Variants in HTR1F observed in about 807,000 individuals in gnomAD.
HTR1F encodes the protein 5-hydroxytryptamine receptor 1F, also known as 5-hydroxytryptamine (serotonin) receptor 1F, G protein-coupled.
A neutral mutation model predicts 24.0 loss-of-function variants in HTR1F; 17 were observed. That is an observed-to-expected ratio of 0.71 (90% confidence interval 0.48 to 1.06). The LOEUF (loss-of-function observed/expected upper bound fraction) is 1.06. HTR1F is among the 50% of genes least tolerant of loss of function. The pLI, the probability that HTR1F is intolerant of heterozygous loss-of-function variation, is 0.00. For missense variants in HTR1F, 391 were observed against 427.8 expected (o/e 0.91, Z 0.76); for synonymous variants, 186 against 156.8 (o/e 1.19, Z -1.39).
intron 2 of HTR1F, among the ~76,000 whole-genome samples, chr3:87,849,516 T>G (rs1050306919): frequency 6.6e-6 from 1 of 151,522 alleles, no homozygotes; most frequent in Non-Finnish European, 1.5e-5. Flanking sequence ...TATAAGAAAA[T>G]CTAGGCAATA....
chr3:87,830,293 A>G (rs1704549034), intron 2 of HTR1F, among the ~76,000 whole-genome samples: 1 of 152,170 alleles, frequency 6.6e-6, no homozygotes, highest in African/African-American at 2.4e-5. Context: ...GAACCATGAC[A>G]TAAAATGAAA....
chr3:87,914,217 C>G (rs1172975798), intron 2 of HTR1F, among the ~76,000 whole-genome samples: 3 of 152,088 alleles, frequency 2.0e-5, no homozygotes, highest in African/African-American at 4.8e-5. Context: ...GGTCCCCTAC[C>G]AAGCCGTTTT....
chr3:87,967,055 T>G (rs1458272133), intron 2 of HTR1F, among the ~76,000 whole-genome samples: 1 of 152,190 alleles, frequency 6.6e-6, no homozygotes, highest in East Asian at 1.9e-4. Context: ...CTACGTACAA[T>G]GAAAATATTG....
chr3:87,981,108 C>T (rs1705533916), intron 2 of HTR1F, among the ~76,000 whole-genome samples: 1 of 152,228 alleles, frequency 6.6e-6, no homozygotes, highest in South Asian at 2.1e-4. Flanking sequence ...TCACCTGCCA[C>T]AGCTGGTCTG....
At chr3:87,977,471 T>G (rs1705421880) in intron 2 of HTR1F, among the ~76,000 whole-genome samples, 1 of 144,628 alleles carries the variant, frequency 6.9e-6, no homozygotes, top group African/African-American at 2.5e-5. Flanking sequence ...TGATCTCAGC[T>G]CACTGCAAAC....
chr3:87,964,555 T>A (rs1164423141), intron 2 of HTR1F, among the ~76,000 whole-genome samples: 2 of 151,968 alleles, frequency 1.3e-5, no homozygotes, highest in Admixed American at 6.6e-5. Flanking sequence ...AGTTTACCAA[T>A]AGGACAGAGT....
chr3:87,830,206 C>T (rs531528424), intron 2 of HTR1F, among the ~76,000 whole-genome samples: 3 of 151,964 alleles, frequency 2.0e-5, no homozygotes, highest in Non-Finnish European at 4.4e-5. Flanking sequence ...TCTATGAGCC[C>T]CTTGAAATTG....
intron 2 of HTR1F, among the ~76,000 whole-genome samples, chr3:87,871,721 C>T (rs946572075): frequency 2.8e-4 from 43 of 152,184 alleles, no homozygotes; most frequent in African/African-American, 1.0e-3. Context: ...GTGACTTATT[C>T]AGCAGAAATT....
intron 2 of HTR1F, among the ~76,000 whole-genome samples, chr3:87,870,007 C>A (rs1434498040): frequency 1.3e-5 from 2 of 151,866 alleles, no homozygotes; most frequent in African/African-American, 4.8e-5. Context: ...AAAATTATTT[C>A]TAAATTATGT....
intron 2 of HTR1F, among the ~76,000 whole-genome samples, chr3:87,856,392 T>C (rs1410090619): frequency 6.6e-6 from 1 of 152,096 alleles, no homozygotes; most frequent in African/African-American, 2.4e-5. Flanking sequence ...ATGGGAAATT[T>C]CTGCACTTTA....
intron 2 of HTR1F, among the ~76,000 whole-genome samples, chr3:87,928,503 T>A (rs1704182674): frequency 6.6e-6 from 1 of 152,186 alleles, no homozygotes; most frequent in African/African-American, 2.4e-5. Context: ...TATATATTAT[T>A]TTCTGTGTCC....
chr3:87,878,907 G>A (rs76232558), intron 2 of HTR1F, among the ~76,000 whole-genome samples: 3,382 of 152,226 alleles, frequency 0.022, 59 homozygotes, highest in South Asian at 0.033. Flanking sequence ...CTGAAACACA[G>A]TAGGAAGTCT....
intron 2 of HTR1F, among the ~76,000 whole-genome samples, chr3:87,955,272 C>T (rs1576085420): frequency 6.6e-6 from 1 of 151,300 alleles, no homozygotes; most frequent in Non-Finnish European, 1.5e-5. Flanking sequence ...ATATTAGTTT[C>T]GTTTTTATGT....
intron 2 of HTR1F, among the ~76,000 whole-genome samples, chr3:87,842,688 T>A (rs1559601864): frequency 6.6e-6 from 1 of 151,956 alleles, no homozygotes; most frequent in Non-Finnish European, 1.5e-5. Flanking sequence ...TGTAAAACAG[T>A]ATCCAAATTT....
intron 2 of HTR1F, among the ~76,000 whole-genome samples, chr3:87,854,718 T>G (rs1302831198): frequency 6.6e-6 from 1 of 152,056 alleles, no homozygotes; most frequent in African/African-American, 2.4e-5. Context: ...CATAAAAATT[T>G]ATTTGCAACA....
At chr3:87,940,611 G>T (rs1360225772) in intron 2 of HTR1F, among the ~76,000 whole-genome samples, 1 of 152,128 alleles carries the variant, frequency 6.6e-6, no homozygotes, top group Non-Finnish European at 1.5e-5. Context: ...TTTCTTCACA[G>T]AATTAGGAAA....
intron 2 of HTR1F, among the ~76,000 whole-genome samples, chr3:87,863,856 C>T (rs1018903623): frequency 6.6e-6 from 1 of 152,172 alleles, no homozygotes; most frequent in African/African-American, 2.4e-5. Flanking sequence ...CAGTTCTAGA[C>T]ATCAGAAGTT....
At chr3:87,968,698 A>G (rs1354928058) in intron 2 of HTR1F, among the ~76,000 whole-genome samples, 1 of 152,264 alleles carries the variant, frequency 6.6e-6, no homozygotes, top group East Asian at 1.9e-4. Context: ...CCATTTTCTT[A>G]GGAGAAATTT....
At chr3:87,889,778 T>A (rs1355467258) in intron 2 of HTR1F, among the ~76,000 whole-genome samples, 1 of 152,230 alleles carries the variant, frequency 6.6e-6, no homozygotes, top group Non-Finnish European at 1.5e-5. Flanking sequence ...GCCAACTTGC[T>A]GAATCTGACA....
Sources: allele counts gnomAD v4.1 joint callset (sites outside exome capture counted in the v4.1 genomes callset), GRCh38; gene constraint gnomAD v4.1.1; transcripts MANE v1.5; gene names NCBI Gene and HGNC (gene_info 2026-07-23, HGNC 2026-07-21).